Variants in SLC49A4 observed in about 807,000 individuals in gnomAD.
SLC49A4 encodes the protein solute carrier family 49 member 4, also known as disrupted in renal cancer protein 2.
SLC49A4 carries 36 observed loss-of-function variants against 50.6 expected under a neutral mutation model. That is an observed-to-expected ratio of 0.71 (90% CI 0.55 to 0.94). The LOEUF is 0.94. SLC49A4 is among the 40% of genes least tolerant of loss of function. The probability of loss-of-function intolerance (pLI) is 0.00; values close to 1 mark genes in which losing one functional copy is unlikely to be tolerated. For synonymous variants in SLC49A4, 248 were observed against 241.2 expected (o/e 1.03, Z -0.26); for missense variants, 503 against 605.7 (o/e 0.83, Z 1.78).
intron 3 of SLC49A4, among the ~76,000 whole-genome samples, chr3:122,830,192 A>G (rs1332659817): frequency 6.6e-6 from 1 of 152,206 alleles, no homozygotes; most frequent in Non-Finnish European, 1.5e-5. Context: ...AAATAAATGG[A>G]AAGGCATTCC....
intron 8 of SLC49A4, among the ~76,000 whole-genome samples, chr3:122,876,681 A>G (rs1937271741): frequency 6.6e-6 from 1 of 152,228 alleles, no homozygotes; most frequent in African/African-American, 2.4e-5. Context: ...CTGGAAACAG[A>G]CAAGTACTTA....
In SLC49A4 at chr3:122,827,078, T is replaced by G; in HGVS notation, c.703+13T>G. The G allele has an allele frequency of 6.3e-7, 1 of 1,595,064 alleles. No individual in the cohort carries two copies. Among genetic ancestry groups the G allele is most frequent in the Non-Finnish European group, 8.6e-7 (1 of 1,165,640 alleles). ...GTGTTATATGCAGGTAATTTGAAGT[T>G]TATTTTCTTCTTGTTATACTTTGTC... On this transcript the variant is annotated intron_variant, in intron 3 of 8. Coordinates refer to ENST00000261038, the MANE Select transcript of SLC49A4 (RefSeq NM_032839.3).
intron 2 of SLC49A4, among the ~76,000 whole-genome samples, chr3:122,821,388 G>A (rs1379257822): frequency 1.3e-5 from 2 of 152,156 alleles, no homozygotes; most frequent in Non-Finnish European, 2.9e-5. Flanking sequence ...GGAAGAAAAG[G>A]GAGTTGGGGG....
chr3:122,802,213 G>A (rs533856004), intron 1 of SLC49A4, among the ~76,000 whole-genome samples: 1 of 152,112 alleles, frequency 6.6e-6, no homozygotes, highest in South Asian at 2.1e-4. Context: ...TCAAACATTG[G>A]GCGACAGGCA....
intron 2 of SLC49A4, among the ~76,000 whole-genome samples, chr3:122,809,552 C>T (rs930221435): frequency 9.2e-5 from 14 of 152,012 alleles, no homozygotes; most frequent in African/African-American, 3.4e-4. Flanking sequence ...GAGACCCCAT[C>T]TCAAAAAAAA....
At chr3:122,820,268 A>C (rs1294156799) in intron 2 of SLC49A4, among the ~76,000 whole-genome samples, 1 of 152,194 alleles carries the variant, frequency 6.6e-6, no homozygotes, top group Non-Finnish European at 1.5e-5. Context: ...TATAATTTTG[A>C]TTTCTAGTTC....
At chr3:122,817,325 A>C (rs985108304) in intron 2 of SLC49A4, among the ~76,000 whole-genome samples, 2 of 152,218 alleles carry the variant, frequency 1.3e-5, no homozygotes. Context: ...GCGGGCGGCC[A>C]CTACAAGCTG....
At chr3:122,868,883 C>T (rs1166005404) in intron 7 of SLC49A4, among the ~76,000 whole-genome samples, 1 of 152,196 alleles carries the variant, frequency 6.6e-6, no homozygotes, top group African/African-American at 2.4e-5. Context: ...GAAGTTATAT[C>T]ATCCGTTTAT....
At chr3:122,850,193 A>C (rs1320426687) in intron 5 of SLC49A4, among the ~76,000 whole-genome samples, 1 of 151,964 alleles carries the variant, frequency 6.6e-6, no homozygotes, top group Admixed American at 6.5e-5. Context: ...ATAAATCTCT[A>C]GCCAACGACT....
chr3:122,869,608 A>G (rs1157174026), intron 7 of SLC49A4, among the ~76,000 whole-genome samples: 1 of 152,220 alleles, frequency 6.6e-6, no homozygotes, highest in African/African-American at 2.4e-5. Flanking sequence ...TCAAAGAGTA[A>G]TTACATTATT....
rs1396006746 is a variant in SLC49A4 at position 122,827,057 on chromosome 3, T to G, written c.695T>G (p.Leu232Ter). 1 of 1,599,472 alleles carries G rather than the reference T, an allele frequency of 6.3e-7. No homozygotes were observed. The highest frequency in any genetic ancestry group is 8.6e-7 in the Non-Finnish European group (1 of 1,168,442). The change falls in exon 3 of 9, where the codon TTA (leucine) becomes TGA (stop). Residue 232 changes from leucine to a stop codon, truncating the protein, a stop_gained. Transcript: ENST00000261038. LOFTEE classifies it high-confidence loss of function. ...ATTAAAGATCGCATAGAGGCTGTGT[T>G]ATATGCAGGTAATTTGAAGTTTATT... is the stretch of plus-strand genomic sequence containing the variant. ...AHIKDRIEAV[L>*]YAEFGVVCLI... is the part of the protein sequence containing the mutation.
chr3:122,855,390 T>C (rs554619268), intron 5 of SLC49A4, among the ~76,000 whole-genome samples: 1 of 152,336 alleles, frequency 6.6e-6, no homozygotes, highest in Non-Finnish European at 1.5e-5. Flanking sequence ...GAACCAGTAT[T>C]ATTAGAGACA....
chr3:122,859,550 TA>T (rs1457828902), intron 6 of SLC49A4, among the ~76,000 whole-genome samples: 2 of 152,214 alleles, frequency 1.3e-5, no homozygotes, highest in East Asian at 3.9e-4. Context: ...CAGTGACACT[TA>T]AAAACTCAGA....
At chr3:122,820,868 C>T (rs1290414525) in intron 2 of SLC49A4, among the ~76,000 whole-genome samples, 2 of 152,226 alleles carry the variant, frequency 1.3e-5, no homozygotes, top group African/African-American at 2.4e-5. Flanking sequence ...TCCACCATTC[C>T]TGCTCTGCCA....
Position 122,795,236 on chromosome 3 carries a change from T to A in SLC49A4, c.44T>A (p.Leu15Gln). 2 of 1,340,794 alleles carry A rather than the reference T, an allele frequency of 1.5e-6. No homozygotes were observed. The highest frequency in any genetic ancestry group is 1.9e-6 in the Non-Finnish European group (2 of 1,055,052). 83.1% of individuals were successfully genotyped at this position (1,340,794 alleles called of 1,614,324 possible). A position where few individuals can be genotyped will look rare whatever the true frequency, so the allele number is the denominator to read the frequency against. The part of the protein sequence containing the change: ...WSSEEERQPL[L>Q]GPGLGPGLGA... Reference sequence around the variant, plus strand: ...AGCGAAGAGGAGAGGCAGCCGCTGCTGGGGCCCGGGCTCGGGCCTGGGCTG... The same window carrying A: ...AGCGAAGAGGAGAGGCAGCCGCTGCAGGGGCCCGGGCTCGGGCCTGGGCTG... The change falls in exon 1 of 9, where the codon CTG becomes CAG. Residue 15 changes from leucine to glutamine, a missense_variant. Leu to Gln is a moderately radical substitution (Grantham distance 113). Coordinates refer to ENST00000261038, the MANE Select transcript of SLC49A4 (RefSeq NM_032839.3).
chr3:122,865,185 T>C (rs1461269440), intron 7 of SLC49A4, among the ~76,000 whole-genome samples: 2 of 152,160 alleles, frequency 1.3e-5, no homozygotes, highest in African/African-American at 4.8e-5. Flanking sequence ...AGAATATGGA[T>C]TAAAAGAAGA....
chr3:122,796,816 G>A (rs1936049309), intron 1 of SLC49A4, among the ~76,000 whole-genome samples: 1 of 152,170 alleles, frequency 6.6e-6, no homozygotes, highest in South Asian at 2.1e-4. Context: ...TCAGGAGGTC[G>A]AAGCTGGAGT....
At chr3:122,836,068 A>G (rs544787739) in intron 4 of SLC49A4, among the ~76,000 whole-genome samples, 24 of 152,162 alleles carry the variant, frequency 1.6e-4, no homozygotes, top group Non-Finnish European at 3.1e-4. Context: ...TATCTCTACA[A>G]TAACTACAAA....
At chr3:122,801,380 C>A (rs1358166825) in intron 1 of SLC49A4, among the ~76,000 whole-genome samples, 3 of 152,082 alleles carry the variant, frequency 2.0e-5, no homozygotes, top group Non-Finnish European at 4.4e-5. Context: ...CACCTGAGGT[C>A]AGGAATTCAA....
Sources: allele counts gnomAD v4.1 joint callset (sites outside exome capture counted in the v4.1 genomes callset), GRCh38; gene constraint gnomAD v4.1.1; transcripts MANE v1.5; gene names NCBI Gene and HGNC (gene_info 2026-07-23, HGNC 2026-07-21).